Variants in DGKG observed in about 807,000 individuals in gnomAD.
The protein encoded by DGKG is diacylglycerol kinase gamma.
In DGKG, 78 loss-of-function variants were observed where a neutral mutation model predicts 105.3. The ratio of observed to expected loss-of-function variants is 0.74; its 90% CI spans 0.62 to 0.89. DGKG has a LOEUF of 0.89. DGKG is among the 40% of genes least tolerant of loss of function. The probability of loss-of-function intolerance (pLI) is 0.00; values close to 1 mark genes in which losing one functional copy is unlikely to be tolerated. For missense variants in DGKG, 958 were observed against 1,020.1 expected, an observed-to-expected ratio of 0.94 and a Z score of 0.83; for synonymous variants, 346 against 367.1, an observed-to-expected ratio of 0.94 and a Z score of 0.66.
chr3:186,258,415 A>G (rs1056590354), intron 16 of DGKG, among the ~76,000 whole-genome samples: 8 of 152,170 alleles, frequency 5.3e-5, no homozygotes, highest in African/African-American at 1.9e-4. Context: ...TTAACCCTGG[A>G]GAGCAGGGTG....
chr3:186,267,361 C>T (rs1400968909), intron 13 of DGKG, among the ~76,000 whole-genome samples: 1 of 152,170 alleles, frequency 6.6e-6, no homozygotes, highest in East Asian at 1.9e-4. Context: ...CTGATCTGTG[C>T]AGCGCTGACC....
At chr3:186,217,244 C>T (rs953306441) in intron 20 of DGKG, among the ~76,000 whole-genome samples, 8 of 152,180 alleles carry the variant, frequency 5.3e-5, no homozygotes, top group African/African-American at 1.9e-4. Context: ...CTGCATCTCT[C>T]TTCCTGAGTA....
chr3:186,165,165 G>A (rs1333485287), intron 22 of DGKG, 147 bp from the exon 23 acceptor site: 9 of 797,238 alleles, frequency 1.1e-5, no homozygotes, highest in Middle Eastern at 3.2e-4. Context: ...TCTGAATAGG[G>A]TGTTTCCCCA....
intron 20 of DGKG, among the ~76,000 whole-genome samples, chr3:186,224,269 G>A (rs949697785): frequency 6.6e-5 from 10 of 152,164 alleles, no homozygotes; most frequent in South Asian, 2.1e-4. Context: ...AAGAACAGTC[G>A]TTCTCAGATC....
intron 1 of DGKG, among the ~76,000 whole-genome samples, chr3:186,336,219 G>A (rs1578851157): frequency 6.6e-6 from 1 of 152,062 alleles, no homozygotes; most frequent in African/African-American, 2.4e-5. Context: ...TTCCATTTCT[G>A]TCCTTTCCCT....
chr3:186,154,023 G>A (rs6799633), intron 24 of DGKG, among the ~76,000 whole-genome samples: 15,220 of 152,206 alleles, frequency 0.1, 2,321 homozygotes, highest in African/African-American at 0.33. Flanking sequence ...CTTGAGCCTG[G>A]GAGGTCGAGG....
chr3:186,183,923 C>T (rs547520229), intron 22 of DGKG, among the ~76,000 whole-genome samples: 7 of 152,240 alleles, frequency 4.6e-5, no homozygotes, highest in East Asian at 1.9e-4. Context: ...AGGCTGGTCT[C>T]GAACTCCCAA....
chr3:186,153,273 T>G (rs2108468692), intron 24 of DGKG, among the ~76,000 whole-genome samples: 1 of 152,290 alleles, frequency 6.6e-6, no homozygotes, highest in East Asian at 1.9e-4. Flanking sequence ...AATTAGGGGC[T>G]AGCAGGTAAA....
intron 12 of DGKG, among the ~76,000 whole-genome samples, chr3:186,268,057 C>G (rs941182992): frequency 1.3e-5 from 2 of 152,114 alleles, no homozygotes; most frequent in African/African-American, 4.8e-5. Flanking sequence ...GTGTGGCACC[C>G]CATGTTGATT....
intron 24 of DGKG, among the ~76,000 whole-genome samples, chr3:186,150,408 GGT>G (rs1715703883): frequency 2.0e-5 from 3 of 152,096 alleles, no homozygotes; most frequent in Admixed American, 1.3e-4. Flanking sequence ...GGGAGAGACA[GGT>G]GTGAGCTTCC....
At chr3:186,255,744 T>C (rs1039590739) in intron 17 of DGKG, among the ~76,000 whole-genome samples, 1 of 152,112 alleles carries the variant, frequency 6.6e-6, no homozygotes, top group African/African-American at 2.4e-5. Context: ...ATGCACACCA[T>C]GCACCCAGTG....
At chr3:186,240,209 GT>G (rs1433754644) in intron 20 of DGKG, among the ~76,000 whole-genome samples, 1 of 151,706 alleles carries the variant, frequency 6.6e-6, no homozygotes, top group African/African-American at 2.4e-5. Flanking sequence ...CTCTTTTTCC[GT>G]GTCTTGGTTC....
At chr3:186,188,981 GT>G (rs1717777870) in intron 21 of DGKG, among the ~76,000 whole-genome samples, 1 of 151,898 alleles carries the variant, frequency 6.6e-6, no homozygotes, top group Non-Finnish European at 1.5e-5. Context: ...TGCCTGGCTA[GT>G]TTTTGTATTT....
At chr3:186,219,783 G>A (rs949330827) in intron 20 of DGKG, among the ~76,000 whole-genome samples, 6 of 152,124 alleles carry the variant, frequency 3.9e-5, no homozygotes, top group African/African-American at 1.4e-4. Context: ...AACTTGAGTA[G>A]GATGTATTTT....
At position 186,149,176 on chromosome 3, in the gene DGKG, A is replaced by C. The variant is rs1663287924; in HGVS notation, c.*914T>G. ...CTGCCTTCAGGAATAGTCTGCCACC[A>C]GGGCTTGGAACTCAAACAGGAAACA... On this transcript the variant is annotated 3_prime_UTR_variant, in exon 25 of 25. Transcript: ENST00000265022. 1.0e-6 allele frequency: 1 copy of C among 984,522 alleles called. No homozygotes were observed. Among genetic ancestry groups the C allele is most frequent in the South Asian group, 4.7e-5 (1 of 21,266 alleles). The allele number at this position is 984,522 out of a possible 1,614,324, so 61.0% of individuals were successfully genotyped here.
At chr3:186,273,092 C>G (rs113201460) in intron 10 of DGKG, among the ~76,000 whole-genome samples, 18 of 152,134 alleles carry the variant, frequency 1.2e-4, no homozygotes, top group Middle Eastern at 6.3e-3. Flanking sequence ...TGTTTTACCT[C>G]TCTGAAATTC....
chr3:186,320,299 TG>T, intron 2 of DGKG, 93 bp downstream of exon 2: 1 of 1,457,098 alleles, frequency 6.9e-7, no homozygotes. Context: ...TCATTCTTTG[TG>T]GCTTTGCAAT....
At chr3:186,214,624 A>C (rs887786302) in intron 20 of DGKG, among the ~76,000 whole-genome samples, 3 of 152,234 alleles carry the variant, frequency 2.0e-5, no homozygotes, top group Admixed American at 6.5e-5. Flanking sequence ...TTCCAGAGTC[A>C]TACCATGCCC....
chr3:186,236,836 A>G (rs1158273060), intron 20 of DGKG, among the ~76,000 whole-genome samples: 1 of 152,250 alleles, frequency 6.6e-6, no homozygotes, highest in Non-Finnish European at 1.5e-5. Flanking sequence ...AACTGCTGAG[A>G]GACGCGGTCA....
Sources: allele counts gnomAD v4.1 joint callset (sites outside exome capture counted in the v4.1 genomes callset), GRCh38; gene constraint gnomAD v4.1.1; transcripts MANE v1.5; gene names NCBI Gene and HGNC (gene_info 2026-07-23, HGNC 2026-07-21).